The following LARP4B variants were observed in gnomAD, a reference collection of about 807,000 sequenced individuals.
LARP4B encodes la-related protein 4B.
Under a neutral mutation model 89.8 loss-of-function variants are expected in LARP4B, and 12 were observed. That is an observed-to-expected ratio of 0.13 (90% CI 0.09 to 0.22). The LOEUF is 0.22. Ranked by LOEUF, LARP4B falls within the 10% of genes least tolerant of loss-of-function variation. The probability of loss-of-function intolerance (pLI) is 1.00; values close to 1 mark genes in which losing one functional copy is unlikely to be tolerated. For missense variants in LARP4B, 757 were observed against 947.7 expected, an observed-to-expected ratio of 0.80 and a Z score of 2.64; for synonymous variants, 367 against 363.3, an observed-to-expected ratio of 1.01 and a Z score of -0.12.
chr10:899,828 T>G (rs1276601048), intron 1 of LARP4B, among the ~76,000 whole-genome samples: 1 of 152,098 alleles, frequency 6.6e-6, no homozygotes, highest in Non-Finnish European at 1.5e-5. Context: ...AAACAGAAAT[T>G]TACCTAAATA....
the LARP4B span, among the ~76,000 whole-genome samples, chr10:969,602 C>A: frequency 6.6e-6 from 1 of 152,058 alleles, no homozygotes; most frequent in Non-Finnish European, 1.5e-5. Context: ...TGGTGGCACA[C>A]GCCTGTAGTC....
intron 1 of LARP4B, among the ~76,000 whole-genome samples, chr10:929,996 G>A (rs1275162078): frequency 6.6e-6 from 1 of 151,738 alleles, no homozygotes; most frequent in East Asian, 1.9e-4. Context: ...TTAAATACAA[G>A]GAGAAAAAAC....
the LARP4B span, among the ~76,000 whole-genome samples, chr10:944,571 C>T: frequency 6.6e-6 from 1 of 152,214 alleles, no homozygotes; most frequent in African/African-American, 2.4e-5. Context: ...GCCACTCAGC[C>T]AGCGCTGGGG....
At chr10:958,796 G>A in the LARP4B span, among the ~76,000 whole-genome samples, 12 of 152,210 alleles carry the variant, frequency 7.9e-5, no homozygotes, top group Admixed American at 7.2e-4. Context: ...ACGTTCATGG[G>A]GGTCCACGTG....
At chr10:862,701 A>G (rs1380980284) in intron 5 of LARP4B, among the ~76,000 whole-genome samples, 6 of 152,036 alleles carry the variant, frequency 3.9e-5, no homozygotes, top group Admixed American at 3.9e-4. Flanking sequence ...CGGAGCTTGC[A>G]GTGAGCCGAT....
upstream of LARP4B, among the ~76,000 whole-genome samples, chr10:932,230 A>C (rs1171571305): frequency 8.9e-5 from 5 of 56,104 alleles, no homozygotes; most frequent in Non-Finnish European, 1.3e-4. Flanking sequence ...GACCCTGGCC[A>C]CCCAGGACAC....
intron 15 of LARP4B, among the ~76,000 whole-genome samples, chr10:816,455 T>G (rs923908459): frequency 2.0e-5 from 3 of 152,180 alleles, no homozygotes; most frequent in African/African-American, 7.2e-5. Context: ...TGGAGCCCAC[T>G]ACACCTGGGT....
At chr10:848,881 T>C (rs1833904965) in intron 5 of LARP4B, among the ~76,000 whole-genome samples, 2 of 152,182 alleles carry the variant, frequency 1.3e-5, no homozygotes, top group Non-Finnish European at 2.9e-5. Context: ...CAAACACGTA[T>C]GCTGTTTTGC....
At chr10:918,815 G>A (rs1013745557) in intron 1 of LARP4B, among the ~76,000 whole-genome samples, 23 of 152,202 alleles carry the variant, frequency 1.5e-4, no homozygotes, top group African/African-American at 4.3e-4. Context: ...GGTGGCTCAC[G>A]CCTGTAATCC....
intron 3 of LARP4B, among the ~76,000 whole-genome samples, chr10:880,266 C>T (rs1454233507): frequency 6.6e-6 from 1 of 152,188 alleles, no homozygotes; most frequent in East Asian, 1.9e-4. Flanking sequence ...AATAATTAAT[C>T]TGAATTGCTA....
chr10:918,806 G>A (rs1342869817), intron 1 of LARP4B, among the ~76,000 whole-genome samples: 1 of 152,122 alleles, frequency 6.6e-6, no homozygotes, highest in South Asian at 2.1e-4. Flanking sequence ...GCCAGGTGCG[G>A]TGGCTCACGC....
At chr10:867,850 G>T (rs1370512370) in intron 3 of LARP4B, among the ~76,000 whole-genome samples, 1 of 115,924 alleles carries the variant, frequency 8.6e-6, no homozygotes, top group Admixed American at 1.1e-4. Flanking sequence ...GACAGAGCAA[G>T]ACTCCATCCT....
the LARP4B span, among the ~76,000 whole-genome samples, chr10:984,384 GAA>G: frequency 1.3e-5 from 2 of 152,198 alleles, no homozygotes; most frequent in Non-Finnish European, 2.9e-5. Context: ...TCTTCTCTAG[GAA>G]AAGAGATCGC....
the LARP4B span, among the ~76,000 whole-genome samples, chr10:981,178 C>T: frequency 6.6e-6 from 1 of 152,232 alleles, no homozygotes. Flanking sequence ...ATAATTTCCT[C>T]ATTTCTATCT....
In LARP4B at chr10:882,992, G is replaced by A. The variant is rs549131551; in HGVS notation, c.141+1455C>T. The stretch of plus-strand genomic sequence containing the variant: ...AGCATGTAACTCTCCACACCTTTAG[G>A]TGCACTATGAACAATGCTAATTAGA... On this transcript the variant is annotated intron_variant, in intron 3 of 17. Coordinates refer to ENST00000316157, the MANE Select transcript of LARP4B (RefSeq NM_015155.3). Among the ~76,000 whole-genome samples the A allele has an allele frequency of 5.9e-5, 9 of 152,164 alleles. No homozygotes were observed. In the South Asian group the frequency reaches 1.5e-3, roughly 25 times the overall value.
At chr10:895,642 C>T (rs1297245816) in intron 1 of LARP4B, among the ~76,000 whole-genome samples, 4 of 146,660 alleles carry the variant, frequency 2.7e-5, no homozygotes, top group African/African-American at 1.0e-4. Flanking sequence ...CACTATACTC[C>T]AGCCTGGGCA....
At chr10:891,331 T>C (rs942749209) in intron 1 of LARP4B, among the ~76,000 whole-genome samples, 1 of 152,162 alleles carries the variant, frequency 6.6e-6, no homozygotes, top group African/African-American at 2.4e-5. Context: ...TGGCTTTACT[T>C]GGATAAAGGA....
In LARP4B at chr10:885,679, T is replaced by C. The variant is rs751659043; in HGVS notation, c.43A>G (p.Thr15Ala). Reference protein sequence around the residue: ...QDAKVVAEPQTQRVQEGKDSA... With the variant: ...QDAKVVAEPQAQRVQEGKDSA... ...TCCTTGCCCTCCTGGACTCTCTGCG[T>C]CTGCGGTTCAGCCACAACCTTAGCG... The change falls in exon 2 of 18, where the codon ACG becomes GCG. Residue 15 changes from threonine (T) to alanine (A), a missense_variant. Coordinates refer to ENST00000316157, the MANE Select transcript of LARP4B (RefSeq NM_015155.3). 3.7e-6 allele frequency: 6 copies of C among 1,614,062 alleles called. No individual in the cohort carries two copies. The East Asian group carries it at 6.7e-5, about 18-fold the overall frequency.
At position 810,562 on chromosome 10, in the gene LARP4B, A is replaced by G. The variant is rs1468121021; in HGVS notation, c.*2364T>C. 6.6e-6 allele frequency: 1 copy of G among 152,228 alleles called. No homozygotes were observed. Among genetic ancestry groups the G allele is most frequent in the Admixed American group, 6.5e-5 (1 of 15,276 alleles). The allele number at this position is 152,228 out of a possible 1,614,324, so 9.4% of individuals were successfully genotyped here. The stretch of plus-strand genomic sequence containing the variant: ...GAAGGACTAAGCTGGCTCTAACCAC[A>G]CACACACACTGCGCTGCAATGCTCA... On this transcript the variant is annotated 3_prime_UTR_variant, in exon 18 of 18. Transcript: ENST00000316157.
Sources: gnomAD v4.1 joint callset for allele counts (sites outside exome capture counted in the v4.1 genomes callset) on GRCh38, gnomAD v4.1.1 for gene constraint, MANE v1.5 for transcripts, NCBI Gene and HGNC (gene_info 2026-07-23, HGNC 2026-07-21) for gene names.